The following GPC5 variants were observed in gnomAD, a reference collection of about 807,000 sequenced individuals.
The protein encoded by GPC5 is glypican-5.
In GPC5, 47 loss-of-function variants were observed where a neutral mutation model predicts 53.9. That is an observed-to-expected ratio of 0.87 (90% CI 0.69 to 1.11). The LOEUF is 1.11. GPC5 is among the 50% of genes most tolerant of loss of function. GPC5 has a pLI of 0.00. For missense variants in GPC5, 748 were observed against 713.1 expected (o/e 1.05, Z -0.56); for synonymous variants, 286 against 263.3 (o/e 1.09, Z -0.84).
intron 7 of GPC5, among the ~76,000 whole-genome samples, chr13:92,794,844 T>C (rs549548794): frequency 5.3e-5 from 8 of 152,096 alleles, no homozygotes; most frequent in Non-Finnish European, 1.2e-4. Flanking sequence ...GAAAGATCTC[T>C]TCAAGGAGAA....
At chr13:92,361,384 G>A (rs2043565704) in intron 7 of GPC5, among the ~76,000 whole-genome samples, 2 of 151,708 alleles carry the variant, frequency 1.3e-5, no homozygotes, top group South Asian at 4.1e-4. Flanking sequence ...CACTGACTTG[G>A]CCTCCTATTC....
intron 2 of GPC5, among the ~76,000 whole-genome samples, chr13:91,464,372 G>T (rs1365854603): frequency 6.6e-6 from 1 of 152,032 alleles, no homozygotes; most frequent in Non-Finnish European, 1.5e-5. Context: ...TGCACGCTTG[G>T]ACATTTATTC....
At chr13:91,405,021 A>G (rs1046902040) in intron 1 of GPC5, among the ~76,000 whole-genome samples, 2 of 152,192 alleles carry the variant, frequency 1.3e-5, no homozygotes, top group African/African-American at 4.8e-5. Context: ...AAGTGGCTGT[A>G]CAGTATTGGA....
In GPC5 at chr13:92,453,290, A is replaced by C. The variant is rs77209408; in HGVS notation, c.1561+308301A>C. Reference sequence around the variant, plus strand: ...TGTCTAAATAACATGCCTTCTAATGAAAAATCATTCCAAAATGTTTTCTTG... The same window carrying C: ...TGTCTAAATAACATGCCTTCTAATGCAAAATCATTCCAAAATGTTTTCTTG... On this transcript the variant is annotated intron_variant, in intron 7 of 7. Coordinates refer to ENST00000377067, the MANE Select transcript of GPC5 (RefSeq NM_004466.6). Among the ~76,000 whole-genome samples, 1,365 of 152,320 alleles carry C rather than the reference A, an allele frequency of 9.0e-3. 25 individuals carry two copies. Among genetic ancestry groups the C allele is most frequent in the African/African-American group, 0.031 (1,286 of 41,562 alleles).
At chr13:92,661,840 T>A (rs963180967) in intron 7 of GPC5, among the ~76,000 whole-genome samples, 5 of 152,180 alleles carry the variant, frequency 3.3e-5, no homozygotes, top group African/African-American at 1.2e-4. Flanking sequence ...TGAATTTAAG[T>A]CCTGTTTCTC....
chr13:91,986,132 C>G (rs1278959177), intron 6 of GPC5, among the ~76,000 whole-genome samples: 1 of 124,462 alleles, frequency 8.0e-6, no homozygotes, highest in African/African-American at 3.2e-5. Flanking sequence ...GTGGCGAGAT[C>G]TGGGCTTACT....
intron 5 of GPC5, among the ~76,000 whole-genome samples, chr13:91,791,836 A>G (rs2037970249): frequency 6.6e-6 from 1 of 152,222 alleles, no homozygotes. Context: ...CTGGTGACTT[A>G]TAAACTAAAT....
intron 2 of GPC5, among the ~76,000 whole-genome samples, chr13:91,669,709 A>G (rs1002938354): frequency 2.6e-5 from 4 of 152,280 alleles, no homozygotes; most frequent in South Asian, 2.1e-4. Context: ...CACTATGTCT[A>G]TATTCTGTAT....
At chr13:91,856,609 T>G (rs1297323536) in intron 5 of GPC5, among the ~76,000 whole-genome samples, 7 of 151,508 alleles carry the variant, frequency 4.6e-5, no homozygotes, top group Non-Finnish European at 8.9e-5. Context: ...CTTTTTTTTT[T>G]GAAGTATCTG....
chr13:91,930,016 A>G (rs1347351838), intron 6 of GPC5, among the ~76,000 whole-genome samples: 3 of 152,060 alleles, frequency 2.0e-5, no homozygotes, highest in South Asian at 2.1e-4. Context: ...CTAGCCTTTG[A>G]TGGCCTAGAA....
chr13:92,844,695 C>T (rs1014351490), intron 7 of GPC5, among the ~76,000 whole-genome samples: 1 of 152,028 alleles, frequency 6.6e-6, no homozygotes, highest in Non-Finnish European at 1.5e-5. Context: ...AATATATTCA[C>T]TTCGTATTTT....
intron 7 of GPC5, among the ~76,000 whole-genome samples, chr13:92,308,957 T>G (rs2043128630): frequency 6.6e-6 from 1 of 151,780 alleles, no homozygotes; most frequent in Non-Finnish European, 1.5e-5. Flanking sequence ...TGCAGGGAGG[T>G]TGCAATTTAT....
At chr13:91,639,364 C>A (rs970788838) in intron 2 of GPC5, among the ~76,000 whole-genome samples, 7 of 152,112 alleles carry the variant, frequency 4.6e-5, no homozygotes, top group Admixed American at 4.6e-4. Context: ...ATTTATGTTA[C>A]AGAAACAAAC....
chr13:91,450,128 C>CT (rs1881082526), intron 2 of GPC5, among the ~76,000 whole-genome samples: 1 of 151,980 alleles, frequency 6.6e-6, no homozygotes, highest in Non-Finnish European at 1.5e-5. Context: ...TGAATTAATG[C>CT]TTTTTTGTAG....
intron 7 of GPC5, among the ~76,000 whole-genome samples, chr13:92,533,694 A>C (rs1881634917): frequency 6.6e-6 from 1 of 152,156 alleles, no homozygotes; most frequent in Admixed American, 6.5e-5. Flanking sequence ...GGTTTTCATC[A>C]GAAGAAATAC....
chr13:91,418,922 C>A (rs772579176), intron 1 of GPC5, among the ~76,000 whole-genome samples: 11 of 151,830 alleles, frequency 7.2e-5, no homozygotes, highest in Non-Finnish European at 1.6e-4. Context: ...ATTTCTGATG[C>A]ATCTTTTCAG....
At chr13:91,550,590 G>A (rs916288041) in intron 2 of GPC5, among the ~76,000 whole-genome samples, 1 of 152,160 alleles carries the variant, frequency 6.6e-6, no homozygotes, top group Admixed American at 6.6e-5. Flanking sequence ...TGGATAGGAA[G>A]TAGAGTGAAA....
chr13:92,508,721 A>C (rs1220533942), intron 7 of GPC5, among the ~76,000 whole-genome samples: 1 of 152,188 alleles, frequency 6.6e-6, no homozygotes, highest in Non-Finnish European at 1.5e-5. Context: ...GGCCCACTCA[A>C]AAGACATTCT....
intron 7 of GPC5, among the ~76,000 whole-genome samples, chr13:92,362,231 T>G (rs548706641): frequency 1.3e-5 from 2 of 151,850 alleles, no homozygotes; most frequent in South Asian, 2.1e-4. Flanking sequence ...AGTGTTTTCC[T>G]TTTTTATTAG....
Sources: allele counts gnomAD v4.1 joint callset (sites outside exome capture counted in the v4.1 genomes callset), GRCh38; gene constraint gnomAD v4.1.1; transcripts MANE v1.5; gene names NCBI Gene and HGNC (gene_info 2026-07-23, HGNC 2026-07-21).